The following GARS1 variants were observed in gnomAD, a reference collection of about 807,000 sequenced individuals.
GARS1 encodes the protein glycine--tRNA ligase.
In GARS1, 46 loss-of-function variants were observed where a neutral mutation model predicts 86.4. That is an observed-to-expected ratio of 0.53 (90% confidence interval 0.42 to 0.68). The LOEUF (loss-of-function observed/expected upper bound fraction) is 0.68, where lower values mean the gene tolerates loss of function less well. GARS1 is among the 30% of genes least tolerant of loss of function. The pLI is 0.00. For missense variants in GARS1, 797 were observed against 915.6 expected (o/e 0.87, Z 1.67); for synonymous variants, 342 against 329.8 (o/e 1.04, Z -0.40).
At chr7:30,607,311 T>C (rs1308535181) in intron 6 of GARS1, among the ~76,000 whole-genome samples, 2 of 152,146 alleles carry the variant, frequency 1.3e-5, no homozygotes, top group Non-Finnish European at 2.9e-5. Context: ...TGTCCATCAA[T>C]GATAGACTGG....
At chr7:30,624,103 T>G (rs1165699574) in intron 12 of GARS1, among the ~76,000 whole-genome samples, 2 of 151,954 alleles carry the variant, frequency 1.3e-5, no homozygotes, top group Non-Finnish European at 2.9e-5. Context: ...TATGAGGTTT[T>G]TTTGCATTTT....
At chr7:30,604,663 G>A (rs1007929657) in intron 6 of GARS1, among the ~76,000 whole-genome samples, 7 of 152,118 alleles carry the variant, frequency 4.6e-5, no homozygotes, top group Non-Finnish European at 8.8e-5. Flanking sequence ...CTTGTGGAGT[G>A]TAATTTTATC....
rs1584055669 is a variant in GARS1 at position 30,632,335 on chromosome 7, T to A, written c.1992T>A (p.Ile664=). The A allele has an allele frequency of 6.2e-7, 1 of 1,614,200 alleles. No homozygotes were observed. The highest frequency in any genetic ancestry group is 8.5e-7 in the Non-Finnish European group (1 of 1,180,036). Residue 664 remains isoleucine, a synonymous_variant, in exon 16 of 17, where the codon ATT becomes ATA. Transcript: ENST00000389266. This position sits in a 1 kb window ranked among gnomAD's most constrained non-coding sequence, Gnocchi z 4.1. ...IGRRYARTDE[I]GVAFGVTIDF... is the part of the protein sequence containing the mutation. ...GGCGCTATGCCAGGACTGATGAGATTGGCGTGGCTTTTGGTGTCACCATTG... is the reference window on the plus strand; with the variant it reads ...GGCGCTATGCCAGGACTGATGAGATAGGCGTGGCTTTTGGTGTCACCATTG...
rs1783246383 is a variant in GARS1 at position 30,632,156 on chromosome 7, TAA to T, written c.1904-90_1904-89del. The T allele has an allele frequency of 8.2e-7, 1 of 1,224,228 alleles. No individual in the cohort carries two copies. The highest frequency in any genetic ancestry group is 1.2e-6 in the Non-Finnish European group (1 of 847,112). 75.8% of individuals were successfully genotyped at this position (1,224,228 alleles called of 1,614,324 possible). A position where few individuals can be genotyped will look rare whatever the true frequency, so the allele number is the denominator to read the frequency against. On this transcript the variant is annotated intron_variant, in intron 15 of 16. Coordinates refer to ENST00000389266, the MANE Select transcript of GARS1 (RefSeq NM_002047.4). This position sits in a 1 kb window ranked among gnomAD's most constrained non-coding sequence, Gnocchi z 4.1. ...TGCTTTCTTGTCTTGGTCCCATTTATAAGTCTCCTGAGCTTGTAAGACAGTAG... is the reference window on the plus strand; with the variant it reads ...TGCTTTCTTGTCTTGGTCCCATTTATGTCTCCTGAGCTTGTAAGACAGTAG...
chr7:30,602,052 A>G (rs1320135133), intron 4 of GARS1, among the ~76,000 whole-genome samples: 1 of 148,992 alleles, frequency 6.7e-6, no homozygotes, highest in African/African-American at 2.5e-5. Flanking sequence ...AAAGTAGGGC[A>G]GAATTTCAGA....
At chr7:30,615,248 C>T (rs949462278) in intron 8 of GARS1, among the ~76,000 whole-genome samples, 9 of 152,204 alleles carry the variant, frequency 5.9e-5, no homozygotes, top group Non-Finnish European at 1.3e-4. Context: ...CATTATCAGT[C>T]ATTTACTTTT....
chr7:30,620,822 T>G (rs1302954585), intron 10 of GARS1, among the ~76,000 whole-genome samples: 1 of 152,192 alleles, frequency 6.6e-6, no homozygotes, highest in Non-Finnish European at 1.5e-5. Flanking sequence ...GATATCAAGT[T>G]GTGAGAACAC....
At chr7:30,604,731 C>A (rs924957363) in intron 6 of GARS1, among the ~76,000 whole-genome samples, 5 of 152,142 alleles carry the variant, frequency 3.3e-5, no homozygotes, top group African/African-American at 9.7e-5. Context: ...TTATTTCTTA[C>A]ATTTTGATAC....
rs529637936 is a variant in GARS1 at position 30,612,343 on chromosome 7, G to C, written c.1031+98G>C. 191 of 1,110,560 alleles carry C rather than the reference G, an allele frequency of 1.7e-4. No individual in the cohort carries two copies. The African/African-American group carries it at 1.7e-3, about 10-fold the overall frequency. The allele number at this position is 1,110,560 out of a possible 1,614,324, so 68.8% of individuals were successfully genotyped here. ...TGAAGCAATTCTGCTTCATAATCCT[G>C]ATTATGAATTTATTTTTGTTTTCTC... On this transcript the variant is annotated intron_variant, in intron 8 of 16. Transcript: ENST00000389266.
At chr7:30,631,942 T>A in intron 15 of GARS1, 1 of 409,184 alleles carries the variant, frequency 2.4e-6, no homozygotes, top group African/African-American at 2.0e-5. Context: ...ATGGGGAGAG[T>A]CCATTGACCT....
Position 30,601,126 on chromosome 7 carries a change from G to A in GARS1, c.495G>A (p.Trp165Ter). ...CALKNNIIQT[W>*]RQHFIQEEQI... ...TGAAGAACAATATTATTCAGACCTG[G>A]AGGCAGCACTTTATCCAAGAGGAAC... is the stretch of plus-strand genomic sequence containing the variant. Residue 165 changes from tryptophan (W) to a stop codon, truncating the protein, a stop_gained, in exon 4 of 17, where the codon TGG (tryptophan) becomes TGA (stop). Transcript: ENST00000389266. LOFTEE classifies it high-confidence loss of function. The A allele has an allele frequency of 6.2e-7, 1 of 1,614,066 alleles. No homozygotes were observed. The highest frequency in any genetic ancestry group is 8.5e-7 in the Non-Finnish European group (1 of 1,179,972).
Position 30,622,455 on chromosome 7 carries a change from G to A in GARS1, c.1606G>A (p.Glu536Lys), listed in dbSNP as rs1783033083. 1 of 1,614,030 alleles carries A rather than the reference G, an allele frequency of 6.2e-7. No individual in the cohort carries two copies. Among genetic ancestry groups the A allele is most frequent in the African/African-American group, 1.3e-5 (1 of 74,934 alleles). Reference sequence around the variant, plus strand: ...TACAGAAATGGAGATGCTGCTGAATGAGAAAGGGTAAGATATCAGATGTTT... The same window carrying A: ...TACAGAAATGGAGATGCTGCTGAATAAGAAAGGGTAAGATATCAGATGTTT... ...YITEMEMLLN[E>K]KGEFTIETEG... Residue 536 changes from glutamate (E) to lysine (K), a missense_variant, in exon 12 of 17, where the codon GAG becomes AAG. Transcript: ENST00000389266.
chr7:30,611,546 G>A (rs536582030), intron 7 of GARS1, among the ~76,000 whole-genome samples: 4 of 152,140 alleles, frequency 2.6e-5, no homozygotes, highest in Non-Finnish European at 4.4e-5. Flanking sequence ...GTGCAATGGC[G>A]TGATCTCGGC....
rs574643034 is a variant in GARS1 at position 30,630,736 on chromosome 7, C to G, written c.1810-712C>G. On this transcript the variant is annotated intron_variant, in intron 14 of 16. Coordinates refer to ENST00000389266, the MANE Select transcript of GARS1 (RefSeq NM_002047.4). ...TGTTGCCCTGGCTGGTCTTGAATTCCTGGGGTCAAGCAATTCTTCTGCCTC... is the reference window on the plus strand; with the variant it reads ...TGTTGCCCTGGCTGGTCTTGAATTCGTGGGGTCAAGCAATTCTTCTGCCTC... 2.8e-4 allele frequency among the ~76,000 whole-genome samples: 43 copies of G among 152,062 alleles called. No homozygotes were observed. In the Middle Eastern group the frequency reaches 0.017, roughly 60 times the overall value.
intron 9 of GARS1, 109 bp downstream of exon 9, chr7:30,616,167 T>G (rs911282663): frequency 1.5e-6 from 2 of 1,293,826 alleles, no homozygotes; most frequent in African/African-American, 2.9e-5. Context: ...GGCAGTCATT[T>G]GCTTTTTTAC....
At chr7:30,607,649 A>G (rs1002840362) in intron 6 of GARS1, among the ~76,000 whole-genome samples, 1 of 152,222 alleles carries the variant, frequency 6.6e-6, no homozygotes, top group Non-Finnish European at 1.5e-5. Flanking sequence ...ATACTTATGT[A>G]TCAAACCTGC....
chr7:30,621,339 C>T, intron 10 of GARS1, 54 bp from the exon 11 acceptor site: 1 of 1,407,658 alleles, frequency 7.1e-7, no homozygotes, highest in South Asian at 1.2e-5. Flanking sequence ...TGTGAATGAA[C>T]CCAATATAAG....
At chr7:30,608,639 T>C (rs1244569583) in intron 6 of GARS1, among the ~76,000 whole-genome samples, 1 of 152,234 alleles carries the variant, frequency 6.6e-6, no homozygotes, top group Non-Finnish European at 1.5e-5. Context: ...ATTGGATTTA[T>C]GAGGGTAGCA....
chr7:30,621,513 G>A lies in GARS1; in HGVS notation c.1467+13G>A. On this transcript the variant is annotated intron_variant, in intron 11 of 16. Transcript: ENST00000389266. ...TCTGAAAGAACCCATATCCTTTCTG[G>A]TCACTCCAAAAACTCAGGATTCACA... is the stretch of plus-strand genomic sequence containing the variant. 2 of 1,598,856 alleles carry A rather than the reference G, an allele frequency of 1.3e-6. No homozygotes were observed. The highest frequency in any genetic ancestry group is 1.7e-6 in the Non-Finnish European group (2 of 1,166,100).
Sources: gnomAD v4.1 joint callset for allele counts (sites outside exome capture counted in the v4.1 genomes callset) on GRCh38, gnomAD v4.1.1 for gene constraint, Gnocchi (gnomAD v3.1) non-coding constraint, MANE v1.5 for transcripts, NCBI Gene and HGNC (gene_info 2026-07-23, HGNC 2026-07-21) for gene names.